Variants in NOVA1 observed in about 807,000 individuals in gnomAD.
NOVA1 encodes NOVA alternative splicing regulator 1.
Under a neutral mutation model 38.0 loss-of-function variants are expected in NOVA1, and 7 were observed. The ratio of observed to expected loss-of-function variants is 0.18; its 90% CI spans 0.10 to 0.35. The LOEUF is 0.35. NOVA1 is among the 10% of genes least tolerant of loss of function. The pLI is 1.00. For synonymous variants in NOVA1, 270 were observed against 232.5 expected (o/e 1.16, Z -1.47); for missense variants, 460 against 616.0 (o/e 0.75, Z 2.68).
chr14:26,464,206 G>C (rs1214245411), intron 4 of NOVA1, among the ~76,000 whole-genome samples: 3 of 152,150 alleles, frequency 2.0e-5, no homozygotes, highest in Non-Finnish European at 2.9e-5. Flanking sequence ...ATCAATGACA[G>C]GCCACATATA....
rs557910437 is a variant in NOVA1, at chr14:26,555,897, A to C, written c.280+39513T>G. On this transcript the variant is annotated intron_variant, in intron 2 of 4. Coordinates refer to ENST00000539517, the MANE Select transcript of NOVA1 (RefSeq NM_002515.3). The stretch of plus-strand genomic sequence containing the variant: ...TAACGTTTCTTACAATTGTGCAAAA[A>C]GTGGTTGTTCTAACACCAAAAAAAT... 6.1e-4 allele frequency among the ~76,000 whole-genome samples: 93 copies of C among 152,310 alleles called. 1 individual carries two copies. The South Asian group carries it at 0.018, about 30-fold the overall frequency.
intron 4 of NOVA1, 104 bp from the exon 5 acceptor site, chr14:26,449,067 C>G (rs2138553753): frequency 9.3e-7 from 1 of 1,073,662 alleles, no homozygotes; most frequent in Non-Finnish European, 1.3e-6. Flanking sequence ...GAAAATTAAA[C>G]ATAATTTATG....
At chr14:26,555,865 C>T (rs769452474) in intron 2 of NOVA1, among the ~76,000 whole-genome samples, 18 of 152,222 alleles carry the variant, frequency 1.2e-4, no homozygotes, top group Middle Eastern at 3.4e-3. Flanking sequence ...AGTTCTAAGA[C>T]TTATGTTAAC....
At chr14:26,501,045 T>G (rs74042415) in intron 2 of NOVA1, among the ~76,000 whole-genome samples, 2 of 151,982 alleles carry the variant, frequency 1.3e-5, no homozygotes, top group Non-Finnish European at 1.5e-5. Context: ...CATTTTTGCA[T>G]GTCAAACCTC....
chr14:26,579,385 C>A (rs1893073077), intron 2 of NOVA1, among the ~76,000 whole-genome samples: 1 of 152,062 alleles, frequency 6.6e-6, no homozygotes, highest in South Asian at 2.1e-4. Flanking sequence ...AAGGTGTACC[C>A]TTCCAAATAT....
At position 26,472,372 on chromosome 14, in the gene NOVA1, G is replaced by A. The variant is rs375665303; in HGVS notation, c.467C>T (p.Thr156Ile). The A allele has an allele frequency of 1.9e-6, 3 of 1,551,286 alleles. No homozygotes were observed. Among genetic ancestry groups the A allele is most frequent in the Non-Finnish European group, 2.6e-6 (3 of 1,144,586 alleles). Residue 156 changes from threonine to isoleucine, a missense_variant, in exon 4 of 5, where the codon ACT becomes ATT. Coordinates refer to ENST00000539517, the MANE Select transcript of NOVA1 (RefSeq NM_002515.3). ...RIKQTLPSSPTTTKSSPSDPM... is the reference protein window; with the variant it reads ...RIKQTLPSSPITTKSSPSDPM... ...ATCAGATGGAGAGGACTTGGTGGTA[G>A]TTGGGGAAGATGGCAATGTCTGGGA... is the stretch of plus-strand genomic sequence containing the variant.
At position 26,448,486 on chromosome 14, in the gene NOVA1, C is replaced by T; in HGVS notation, c.997G>A (p.Gly333Ser). ...ASYGYNLNTLGLGLSQAAATG... is the reference protein window; with the variant it reads ...ASYGYNLNTLSLGLSQAAATG... ...GCTGCTGCTTGACTGAGACCTAAAC[C>T]TAAAGTGTTGAGATTATATCCATAG... The change falls in exon 5 of 5, where the codon GGT (glycine) becomes AGT (serine). Residue 333 changes from glycine to serine, a missense_variant. By Grantham distance (56) the Gly-to-Ser change is moderately conservative. Coordinates refer to ENST00000539517, the MANE Select transcript of NOVA1 (RefSeq NM_002515.3). This position sits in a 1 kb window ranked among gnomAD's most constrained non-coding sequence, Gnocchi z 5.3. The T allele has an allele frequency of 6.2e-7, 1 of 1,613,992 alleles. No homozygotes were observed. The highest frequency in any genetic ancestry group is 8.5e-7 in the Non-Finnish European group (1 of 1,180,032).
At chr14:26,553,562 G>A (rs887850941) in intron 2 of NOVA1, among the ~76,000 whole-genome samples, 2 of 152,030 alleles carry the variant, frequency 1.3e-5, no homozygotes, top group Non-Finnish European at 2.9e-5. Flanking sequence ...TATTTGAAGA[G>A]AGGGAGAAAA....
chr14:26,575,120 TC>T (rs1892756647), intron 2 of NOVA1, among the ~76,000 whole-genome samples: 1 of 152,188 alleles, frequency 6.6e-6, no homozygotes, highest in Non-Finnish European at 1.5e-5. Context: ...ATTTAGACAG[TC>T]CTTTTAAAAT....
intron 2 of NOVA1, among the ~76,000 whole-genome samples, chr14:26,585,172 ACT>A: frequency 6.6e-6 from 1 of 151,360 alleles, no homozygotes; most frequent in Middle Eastern, 3.4e-3. Context: ...CAAGAAAAAC[ACT>A]CTTATTTCAT....
intron 4 of NOVA1, among the ~76,000 whole-genome samples, chr14:26,456,122 T>C (rs112691336): frequency 6.6e-6 from 1 of 152,032 alleles, no homozygotes; most frequent in Non-Finnish European, 1.5e-5. Flanking sequence ...TAGCAAAAAA[T>C]GTATTCAACA....
intron 4 of NOVA1, among the ~76,000 whole-genome samples, chr14:26,466,871 A>G (rs1337414562): frequency 2.6e-5 from 4 of 152,204 alleles, no homozygotes; most frequent in Non-Finnish European, 1.5e-5. Flanking sequence ...TTCAAGACAC[A>G]GCAAGAAAGC....
chr14:26,524,990 T>C (rs1889195826), intron 2 of NOVA1, among the ~76,000 whole-genome samples: 1 of 152,178 alleles, frequency 6.6e-6, no homozygotes, highest in Admixed American at 6.5e-5. Context: ...TTCAAAACTA[T>C]AGTTCAGAAA....
intron 2 of NOVA1, chr14:26,593,301 A>T (rs1893975303): frequency 6.6e-6 from 1 of 151,866 alleles, no homozygotes; most frequent in African/African-American, 2.4e-5. Context: ...CGGGATCTTA[A>T]AATTATTCTG....
chr14:26,553,916 G>A (rs1294123063), intron 2 of NOVA1, among the ~76,000 whole-genome samples: 4 of 151,938 alleles, frequency 2.6e-5, no homozygotes, highest in African/African-American at 4.8e-5. Context: ...CAGGGCTGAG[G>A]TGGGCGGATC....
Position 26,528,581 on chromosome 14 carries a change from G to A in NOVA1, c.281-48438C>T, listed in dbSNP as rs114636269. 3.9e-3 allele frequency among the ~76,000 whole-genome samples: 590 copies of A among 151,998 alleles called. 3 individuals carry two copies. The highest frequency in any genetic ancestry group is 0.013 in the African/African-American group (558 of 41,474). On this transcript the variant is annotated intron_variant, in intron 2 of 4. Coordinates refer to ENST00000539517, the MANE Select transcript of NOVA1 (RefSeq NM_002515.3). ...TAGAAAAAAGAATACCTTAGACACC[G>A]GCACACCCAGGGTGGGTAGAAGAAA...
At chr14:26,535,997 G>A (rs1007798093) in intron 2 of NOVA1, among the ~76,000 whole-genome samples, 7 of 149,026 alleles carry the variant, frequency 4.7e-5, no homozygotes, top group African/African-American at 1.7e-4. Context: ...AAAAAAAAAT[G>A]TGGTACATAT....
At chr14:26,493,367 A>G (rs1026209076) in intron 2 of NOVA1, among the ~76,000 whole-genome samples, 1 of 152,192 alleles carries the variant, frequency 6.6e-6, no homozygotes, top group Non-Finnish European at 1.5e-5. Context: ...TTACAGATCT[A>G]TGTTTCCATA....
intron 2 of NOVA1, among the ~76,000 whole-genome samples, chr14:26,485,379 A>G (rs184697788): frequency 2.3e-4 from 35 of 152,322 alleles, no homozygotes; most frequent in Non-Finnish European, 4.4e-4. Context: ...AAAATGATTT[A>G]AAAACTATAA....
Sources: allele counts gnomAD v4.1 joint callset (sites outside exome capture counted in the v4.1 genomes callset), GRCh38; gene constraint gnomAD v4.1.1; non-coding constraint Gnocchi (gnomAD v3.1); transcripts MANE v1.5; gene names NCBI Gene and HGNC (gene_info 2026-07-23, HGNC 2026-07-21).